The following PTPRN2 variants were observed in gnomAD, a reference collection of about 807,000 sequenced individuals.
The protein encoded by PTPRN2 is protein tyrosine phosphatase receptor type N2, also known as receptor-type tyrosine-protein phosphatase N2.
Under a neutral mutation model 118.8 loss-of-function variants are expected in PTPRN2, and 74 were observed. The ratio of observed to expected loss-of-function variants is 0.62; its 90% CI spans 0.52 to 0.76. The LOEUF is 0.76. PTPRN2 is among the 30% of genes least tolerant of loss of function. The probability of loss-of-function intolerance (pLI) is 0.00; values close to 1 mark genes in which losing one functional copy is unlikely to be tolerated. For missense variants in PTPRN2, 1,481 were observed against 1,394.4 expected (o/e 1.06, Z -0.99); for synonymous variants, 641 against 608.0 (o/e 1.05, Z -0.80).
At position 158,133,237 on chromosome 7, in the gene PTPRN2, A is replaced by G. The variant is rs143142434; in HGVS notation, c.1556+440T>C. On this transcript the variant is annotated intron_variant, in intron 9 of 22. Coordinates refer to ENST00000389418, the MANE Select transcript of PTPRN2 (RefSeq NM_002847.5). The stretch of plus-strand genomic sequence containing the variant: ...AACAGGCAGGAGGAGTCCGGGGTGC[A>G]GCAGTTTCCAGGGCCGCGTCCCATC... Among the ~76,000 whole-genome samples the G allele has an allele frequency of 6.5e-3, 988 of 152,306 alleles. 5 individuals are homozygous for G. The highest frequency in any genetic ancestry group is 0.011 in the Non-Finnish European group (756 of 68,026).
intron 12 of PTPRN2, among the ~76,000 whole-genome samples, chr7:157,866,459 C>T (rs538593142): frequency 1.3e-4 from 20 of 152,166 alleles, no homozygotes; most frequent in South Asian, 4.1e-4. Context: ...CGAACATGCA[C>T]GATCACACCC....
chr7:157,558,098 G>A (rs1585029005), intron 21 of PTPRN2, among the ~76,000 whole-genome samples: 1 of 138,130 alleles, frequency 7.2e-6, no homozygotes, highest in Non-Finnish European at 1.6e-5. Flanking sequence ...AGGGGGGATT[G>A]TTAAAAGGGA....
intron 12 of PTPRN2, among the ~76,000 whole-genome samples, chr7:157,782,252 C>A (rs2151055413): frequency 6.6e-6 from 1 of 152,338 alleles, no homozygotes; most frequent in South Asian, 2.1e-4. Flanking sequence ...GAATTCAGCT[C>A]ATGAGCTCAG....
chr7:157,694,864 GAC>G (rs1463325366), intron 12 of PTPRN2, among the ~76,000 whole-genome samples: 1 of 151,388 alleles, frequency 6.6e-6, no homozygotes, highest in Non-Finnish European at 1.5e-5. Context: ...TTTTAAACAT[GAC>G]ACAAAATATT....
intron 19 of PTPRN2, among the ~76,000 whole-genome samples, chr7:157,576,257 A>G (rs1800034502): frequency 6.6e-6 from 1 of 152,246 alleles, no homozygotes; most frequent in Non-Finnish European, 1.5e-5. Flanking sequence ...CATCCCATGC[A>G]GCCAGATGAG....
intron 14 of PTPRN2, among the ~76,000 whole-genome samples, chr7:157,653,973 C>T (rs1386522972): frequency 4.0e-5 from 5 of 125,596 alleles, no homozygotes; most frequent in Non-Finnish European, 5.0e-5. Context: ...CCCACCCCGA[C>T]TCCACACCAT....
chr7:157,728,213 C>T (rs944392068), intron 12 of PTPRN2, among the ~76,000 whole-genome samples: 1 of 152,234 alleles, frequency 6.6e-6, no homozygotes. Context: ...CTCTGCCGCG[C>T]GGTCTCCTCA....
At position 158,324,059 on chromosome 7, in the gene PTPRN2, GCACACACA is replaced by G. The variant is rs57802533; in HGVS notation, c.164-7135_164-7128del. ...CACGTACACACACATTTGCAAACGTGCACACACACACACACACACCCAGACACACTAAC... is the reference window on the plus strand; with the variant it reads ...CACGTACACACACATTTGCAAACGTGCACACACACACCCAGACACACTAAC... On this transcript the variant is annotated intron_variant, in intron 2 of 22. Transcript: ENST00000389418. Among the ~76,000 whole-genome samples the G allele has an allele frequency of 2.0e-5, 3 of 151,034 alleles. No homozygotes were observed. In the East Asian group the frequency reaches 5.9e-4, roughly 29 times the overall value.
At chr7:157,613,213 G>T (rs777109961) in intron 15 of PTPRN2, among the ~76,000 whole-genome samples, 1 of 152,258 alleles carries the variant, frequency 6.6e-6, no homozygotes, top group Non-Finnish European at 1.5e-5. Flanking sequence ...GGGCGCTGAC[G>T]AGGCCGTTTT....
At chr7:157,936,231 T>C (rs182375609) in intron 11 of PTPRN2, among the ~76,000 whole-genome samples, 15 of 152,352 alleles carry the variant, frequency 9.8e-5, no homozygotes, top group East Asian at 7.7e-4. Flanking sequence ...GAGGTCTGAA[T>C]TGATTTTGCC....
intron 1 of PTPRN2, among the ~76,000 whole-genome samples, chr7:158,581,029 G>T (rs905892267): frequency 6.6e-6 from 1 of 152,208 alleles, no homozygotes; most frequent in Non-Finnish European, 1.5e-5. Flanking sequence ...GTGGCCTGAG[G>T]TTGAGAAGCT....
intron 11 of PTPRN2, among the ~76,000 whole-genome samples, chr7:158,053,464 C>T (rs1809487845): frequency 6.6e-6 from 1 of 152,054 alleles, no homozygotes; most frequent in Admixed American, 6.6e-5. Context: ...ACAGCGAAGA[C>T]AGAAAAGAAA....
chr7:157,940,643 C>A (rs1336475399), intron 11 of PTPRN2, among the ~76,000 whole-genome samples: 2 of 150,400 alleles, frequency 1.3e-5, no homozygotes, highest in Non-Finnish European at 1.5e-5. Flanking sequence ...AAATCTAACA[C>A]CCTCCCCACC....
At chr7:157,657,902 AC>A in intron 13 of PTPRN2, among the ~76,000 whole-genome samples, 2 of 55,698 alleles carry the variant, frequency 3.6e-5, no homozygotes, top group Non-Finnish European at 9.7e-5. Flanking sequence ...CACATCACAG[AC>A]ACACACACAC....
intron 2 of PTPRN2, among the ~76,000 whole-genome samples, chr7:158,326,505 C>T (rs1233853817): frequency 6.6e-6 from 1 of 150,700 alleles, no homozygotes; most frequent in African/African-American, 2.4e-5. Context: ...ACAGCATGCA[C>T]ACACAATGTA....
At chr7:157,926,280 A>C (rs1482497960) in intron 11 of PTPRN2, among the ~76,000 whole-genome samples, 2 of 151,460 alleles carry the variant, frequency 1.3e-5, no homozygotes, top group Non-Finnish European at 2.9e-5. Flanking sequence ...ACATCCTTCC[A>C]TCTATCCACC....
At chr7:158,449,848 A>G (rs1297856288) in intron 2 of PTPRN2, among the ~76,000 whole-genome samples, 3 of 152,312 alleles carry the variant, frequency 2.0e-5, no homozygotes, top group South Asian at 4.1e-4. Context: ...TTTTCTTCCT[A>G]AAATATTTGG....
chr7:158,068,173 G>A (rs1156717882), intron 11 of PTPRN2, among the ~76,000 whole-genome samples: 1 of 152,244 alleles, frequency 6.6e-6, no homozygotes, highest in Admixed American at 6.5e-5. Flanking sequence ...GAGCAGAGCA[G>A]GCCAGAGCGT....
At chr7:157,778,734 G>A (rs1585442814) in intron 12 of PTPRN2, among the ~76,000 whole-genome samples, 2 of 150,818 alleles carry the variant, frequency 1.3e-5, no homozygotes, top group African/African-American at 4.9e-5. Flanking sequence ...GAATACAGGT[G>A]CCGAATGCCC....
Sources: gnomAD v4.1 joint callset for allele counts (sites outside exome capture counted in the v4.1 genomes callset) on GRCh38, gnomAD v4.1.1 for gene constraint, MANE v1.5 for transcripts, NCBI Gene and HGNC (gene_info 2026-07-23, HGNC 2026-07-21) for gene names.